Variants in MND1 observed in about 807,000 individuals in gnomAD.
MND1 encodes the protein meiotic nuclear division protein 1 homolog.
A neutral mutation model predicts 35.1 loss-of-function variants in MND1; 28 were observed. The ratio of observed to expected loss-of-function variants is 0.80; its 90% CI spans 0.59 to 1.09. The LOEUF (loss-of-function observed/expected upper bound fraction) is 1.09, where lower values mean the gene tolerates loss of function less well. MND1 is among the 50% of genes least tolerant of loss of function. MND1 has a pLI of 0.00. For missense variants in MND1, 213 were observed against 239.6 expected, an observed-to-expected ratio of 0.89 and a Z score of 0.73; for synonymous variants, 69 against 70.5, an observed-to-expected ratio of 0.98 and a Z score of 0.11.
chr4:153,384,149 A>T (rs934449846), intron 4 of MND1, among the ~76,000 whole-genome samples: 1 of 151,580 alleles, frequency 6.6e-6, no homozygotes, highest in African/African-American at 2.4e-5. Flanking sequence ...TGGATCTTTC[A>T]TATCTCTTAA....
intron 4 of MND1, among the ~76,000 whole-genome samples, chr4:153,362,226 A>G (rs1773513695): frequency 6.6e-6 from 1 of 152,092 alleles, no homozygotes; most frequent in Non-Finnish European, 1.5e-5. Context: ...AAACATACTG[A>G]TATGGCTTGG....
At chr4:153,390,922 T>C (rs1161616946) in intron 4 of MND1, among the ~76,000 whole-genome samples, 6 of 133,374 alleles carry the variant, frequency 4.5e-5, no homozygotes, top group Non-Finnish European at 9.3e-5. Flanking sequence ...TGTGTATATG[T>C]GTGTGTGTGT....
intron 4 of MND1, among the ~76,000 whole-genome samples, chr4:153,375,940 A>G (rs921713608): frequency 7.9e-5 from 12 of 152,314 alleles, no homozygotes; most frequent in Middle Eastern, 3.4e-3. Flanking sequence ...GACTTTTAAC[A>G]TAAATTAATA....
At position 153,395,386 on chromosome 4, in the gene MND1, A is replaced by G. The variant is rs149007614; in HGVS notation, c.351+1050A>G. Among the ~76,000 whole-genome samples the G allele has an allele frequency of 1.7e-4, 26 of 152,332 alleles. No individual in the cohort carries two copies. The East Asian group carries it at 4.4e-3, about 26-fold the overall frequency. Reference sequence around the variant, plus strand: ...CAGTCTACTGTTAATCCACTGGAACAAGTGCATCTTGCGGGGAAAAACCCA... The same window carrying G: ...CAGTCTACTGTTAATCCACTGGAACGAGTGCATCTTGCGGGGAAAAACCCA... On this transcript the variant is annotated intron_variant, in intron 5 of 7. Coordinates refer to ENST00000240488, the MANE Select transcript of MND1 (RefSeq NM_032117.4).
chr4:153,365,358 C>T (rs766797488), intron 4 of MND1, among the ~76,000 whole-genome samples: 7 of 152,120 alleles, frequency 4.6e-5, no homozygotes, highest in African/African-American at 7.2e-5. Context: ...AGAGAAAAAA[C>T]TCTAGAAAGG....
Position 153,407,695 on chromosome 4 carries a change from C to T in MND1, c.467-1276C>T, listed in dbSNP as rs934705014. 2.0e-5 allele frequency among the ~76,000 whole-genome samples: 3 copies of T among 152,024 alleles called. No homozygotes were observed. In the East Asian group the frequency reaches 5.8e-4, roughly 29 times the overall value. On this transcript the variant is annotated intron_variant, in intron 6 of 7. Transcript: ENST00000240488. The stretch of plus-strand genomic sequence containing the variant: ...AAGCAAATTGTAAAATAGTACTTCG[C>T]ATAAAAAAGAATGAGGTATTGATAC...
intron 7 of MND1, among the ~76,000 whole-genome samples, chr4:153,409,867 GAAGT>G (rs1579960413): frequency 6.6e-6 from 1 of 152,116 alleles, no homozygotes; most frequent in Admixed American, 6.5e-5. Context: ...AAACTGACAT[GAAGT>G]AAGTGTCCCA....
At chr4:153,373,443 G>C (rs1240672454) in intron 4 of MND1, among the ~76,000 whole-genome samples, 1 of 152,054 alleles carries the variant, frequency 6.6e-6, no homozygotes, top group Admixed American at 6.6e-5. Flanking sequence ...CTTTACTTCT[G>C]GATTTCACAT....
At chr4:153,356,115 A>G (rs567072594) in intron 3 of MND1, among the ~76,000 whole-genome samples, 1 of 152,318 alleles carries the variant, frequency 6.6e-6, no homozygotes, top group East Asian at 1.9e-4. Context: ...AACATAGCAA[A>G]ATCCTGTCTT....
chr4:153,412,888 T>G (rs1429635427), intron 7 of MND1, among the ~76,000 whole-genome samples: 1 of 150,510 alleles, frequency 6.6e-6, no homozygotes, highest in African/African-American at 2.5e-5. Context: ...CACTTCACCC[T>G]CTGCCTCCCG....
chr4:153,360,602 G>GTATATA (rs70963164), intron 4 of MND1, among the ~76,000 whole-genome samples: 22 of 145,602 alleles, frequency 1.5e-4, no homozygotes, highest in African/African-American at 5.1e-4. Flanking sequence ...GTGTGTGTGT[G>GTATATA]TGTGTATATA....
At chr4:153,349,656 G>C (rs1308361320) in intron 1 of MND1, among the ~76,000 whole-genome samples, 1 of 152,136 alleles carries the variant, frequency 6.6e-6, no homozygotes, top group Non-Finnish European at 1.5e-5. Flanking sequence ...TCTGTCCTTA[G>C]GTAACCCTTC....
chr4:153,352,768 A>C (rs1773247900), intron 2 of MND1, among the ~76,000 whole-genome samples: 2 of 137,942 alleles, frequency 1.4e-5, no homozygotes, highest in African/African-American at 5.3e-5. Context: ...AAAAAAAAAA[A>C]CACAACGATA....
intron 1 of MND1, among the ~76,000 whole-genome samples, chr4:153,349,092 CTCTTT>C (rs974228941): frequency 3.7e-5 from 4 of 108,452 alleles, no homozygotes; most frequent in African/African-American, 2.1e-4. Flanking sequence ...ATAGTTCTCA[CTCTTT>C]TTTTTTTTTT....
intron 6 of MND1, 36 bp from the exon 7 acceptor site, chr4:153,408,935 A>AT: frequency 2.5e-5 from 16 of 636,900 alleles, no homozygotes; most frequent in South Asian, 1.8e-4. Context: ...TATATATATA[A>AT]ATACATTTCA....
chr4:153,405,302 A>C (rs1355137195), intron 6 of MND1, among the ~76,000 whole-genome samples: 1 of 152,060 alleles, frequency 6.6e-6, no homozygotes, highest in Non-Finnish European at 1.5e-5. Flanking sequence ...CACTTCGGGA[A>C]GCTGAGGCGG....
intron 4 of MND1, among the ~76,000 whole-genome samples, chr4:153,371,069 T>G (rs1331739012): frequency 6.6e-6 from 1 of 152,050 alleles, no homozygotes; most frequent in East Asian, 1.9e-4. Context: ...CTAGGTACAT[T>G]GTCATTGGGC....
chr4:153,358,719 A>G, intron 4 of MND1, 97 bp downstream of exon 4: 2 of 1,193,892 alleles, frequency 1.7e-6, no homozygotes, highest in South Asian at 1.9e-5. Flanking sequence ...TGAATTTTTG[A>G]TATGCATTAT....
intron 1 of MND1, 133 bp downstream of exon 1, chr4:153,344,873 G>A: frequency 6.9e-7 from 1 of 1,450,676 alleles, no homozygotes; most frequent in Non-Finnish European, 9.2e-7. Flanking sequence ...CCCGGCTCTC[G>A]GCCTCACCGT....
Sources: allele counts gnomAD v4.1 joint callset (sites outside exome capture counted in the v4.1 genomes callset), GRCh38; gene constraint gnomAD v4.1.1; transcripts MANE v1.5; gene names NCBI Gene and HGNC (gene_info 2026-07-23, HGNC 2026-07-21).